MGST1: variants seen among roughly 807,000 people sequenced by gnomAD.
MGST1 encodes microsomal glutathione S-transferase 1, also known as glutathione S-transferase 12.
A neutral mutation model predicts 8.9 loss-of-function variants in MGST1; 5 were observed. The ratio of observed to expected loss-of-function variants is 0.56; its 90% CI spans 0.29 to 1.19. MGST1 has a LOEUF of 1.19. Ranked by LOEUF, MGST1 falls within the 50% of genes most tolerant of loss-of-function variation. The pLI, the probability that MGST1 is intolerant of heterozygous loss-of-function variation, is 0.08. For synonymous variants in MGST1, 54 were observed against 67.8 expected (o/e 0.80, Z 1.00); for missense variants, 182 against 187.4 (o/e 0.97, Z 0.17).
In MGST1 at chr12:16,547,050, C is replaced by T. The variant is rs1360947462; in HGVS notation, n.483-42478C>T. 6.6e-6 allele frequency among the ~76,000 whole-genome samples: 1 copy of T among 151,970 alleles called. No homozygotes were observed. Among genetic ancestry groups the T allele is most frequent in the African/African-American group, 2.4e-5 (1 of 41,368 alleles). On this transcript the variant is annotated intron_variant and non_coding_transcript_variant, in intron 4 of 4. Coordinates refer to the MGST1 transcript ENST00000538857. This position sits in a 1 kb window ranked among gnomAD's most constrained non-coding sequence, Gnocchi z 4.6. ...CTTGATTATAAAAGTAAAAATATAC[C>T]TTTCTGAATAATACTTTTCTAATAG...
rs1378832346 is a variant in MGST1, at chr12:16,410,185, A to G, written n.778+26581A>G. ...TGGTTATAGTGCTATGCTTACCGTC[A>G]TTTCTCTTTAACTTGGAGATTAGCC... is the stretch of plus-strand genomic sequence containing the variant. On this transcript the variant is annotated intron_variant and non_coding_transcript_variant, in intron 1 of 1. Transcript: ENST00000359720. This position sits in a 1 kb window ranked among gnomAD's most constrained non-coding sequence, Gnocchi z 4.4. 3.9e-5 allele frequency among the ~76,000 whole-genome samples: 6 copies of G among 152,136 alleles called. No individual in the cohort carries two copies. Among genetic ancestry groups the G allele is most frequent in the Non-Finnish European group, 7.4e-5 (5 of 68,024 alleles).
chr12:16,548,120 A>G lies in MGST1; in HGVS notation n.483-41408A>G, dbSNP rs1420619925. ...CACCTAAAATTTGTATAAATGTGCA[A>G]AATTACACCCAGCAATTGCTACCTT... On this transcript the variant is annotated intron_variant and non_coding_transcript_variant, in intron 4 of 4. Transcript: ENST00000538857. This position sits in a 1 kb window ranked among gnomAD's most constrained non-coding sequence, Gnocchi z 4.2. Among the ~76,000 whole-genome samples the G allele has an allele frequency of 6.6e-6, 1 of 152,196 alleles. No individual in the cohort carries two copies. The highest frequency in any genetic ancestry group is 1.5e-5 in the Non-Finnish European group (1 of 68,036).
intron 4 of MGST1, among the ~76,000 whole-genome samples, chr12:16,563,987 T>C (rs1383467485): frequency 6.6e-6 from 1 of 152,196 alleles, no homozygotes; most frequent in Non-Finnish European, 1.5e-5. Flanking sequence ...GACCTTTATC[T>C]TGTTTCTGAC....
intron 4 of MGST1, among the ~76,000 whole-genome samples, chr12:16,507,249 A>C (rs1186825284): frequency 1.3e-5 from 2 of 152,152 alleles, no homozygotes; most frequent in Non-Finnish European, 2.9e-5. Context: ...TGTTTGGTAG[A>C]GAGAAAATAT....
At chr12:16,583,761 G>A (rs913415906) in intron 4 of MGST1, among the ~76,000 whole-genome samples, 1 of 152,202 alleles carries the variant, frequency 6.6e-6, no homozygotes, top group African/African-American at 2.4e-5. Context: ...GACTGGAGCA[G>A]TGGTGAAAAT....
intron 1 of MGST1, among the ~76,000 whole-genome samples, chr12:16,388,409 A>G (rs989651360): frequency 6.6e-6 from 1 of 152,042 alleles, no homozygotes; most frequent in Non-Finnish European, 1.5e-5. Flanking sequence ...TTGCTTTTCT[A>G]TGACTTGCAA....
chr12:16,459,119 G>C (rs536810522), intron 4 of MGST1, among the ~76,000 whole-genome samples: 1 of 152,170 alleles, frequency 6.6e-6, no homozygotes, highest in Middle Eastern at 3.4e-3. Context: ...GGCAATTAAA[G>C]AAATTATTCT....
intron 4 of MGST1, among the ~76,000 whole-genome samples, chr12:16,520,444 G>A (rs1941641469): frequency 6.6e-6 from 1 of 150,970 alleles, no homozygotes; most frequent in Non-Finnish European, 1.5e-5. Flanking sequence ...GAGTTTAGGG[G>A]AGACTCAGGG....
In MGST1 at chr12:16,559,810, A is replaced by G. The variant is rs1942323359; in HGVS notation, n.483-29718A>G. On this transcript the variant is annotated intron_variant and non_coding_transcript_variant, in intron 4 of 4. Transcript: ENST00000538857. This position sits in a 1 kb window ranked among gnomAD's most constrained non-coding sequence, Gnocchi z 4.1. ...CTCTATAAAAAATGAAAAAAAAAAA[A>G]AATTAGCCAGGCATGGGAGTGCACA... 6.6e-6 allele frequency among the ~76,000 whole-genome samples: 1 copy of G among 151,696 alleles called. No individual in the cohort carries two copies. Among genetic ancestry groups the G allele is most frequent in the Admixed American group, 6.6e-5 (1 of 15,214 alleles).
chr12:16,364,754 C>G (rs556210746), downstream of MGST1, among the ~76,000 whole-genome samples: 2 of 152,164 alleles, frequency 1.3e-5, no homozygotes, highest in South Asian at 4.2e-4. This position sits in a 1 kb window ranked among gnomAD's most constrained non-coding sequence, Gnocchi z 5.7. Context: ...TTTCATGTTT[C>G]CCCAGTAATA....
Position 16,513,880 on chromosome 12 carries a change from C to G in MGST1, n.483-75648C>G, listed in dbSNP as rs1040786212. The stretch of plus-strand genomic sequence containing the variant: ...CAAACCAACCTGGGGAAGTCGCACA[C>G]CCATCTTCAGGGATACTGGCATGCA... On this transcript the variant is annotated intron_variant and non_coding_transcript_variant, in intron 4 of 4. Transcript: ENST00000538857. This position sits in a 1 kb window ranked among gnomAD's most constrained non-coding sequence, Gnocchi z 4.2. 8.2e-6 allele frequency: 5 copies of G among 606,250 alleles called. No homozygotes were observed. The highest frequency in any genetic ancestry group is 1.6e-5 in the Non-Finnish European group (5 of 313,956). 37.6% of individuals were successfully genotyped at this position (606,250 alleles called of 1,614,324 possible).
intron 4 of MGST1, among the ~76,000 whole-genome samples, chr12:16,545,607 C>T (rs1181628513): frequency 6.6e-6 from 1 of 152,004 alleles, no homozygotes; most frequent in African/African-American, 2.4e-5. Flanking sequence ...TATGCTGAAA[C>T]TCGCAACTTT....
intron 4 of MGST1, among the ~76,000 whole-genome samples, chr12:16,563,631 TATC>T (rs1942482910): frequency 1.3e-5 from 2 of 152,196 alleles, no homozygotes. Flanking sequence ...TTTATAAAGT[TATC>T]ATAGATCCAC....
chr12:16,491,443 ATTCTGC>A (rs1289646280), intron 4 of MGST1, among the ~76,000 whole-genome samples: 1 of 152,184 alleles, frequency 6.6e-6, no homozygotes, highest in African/African-American at 2.4e-5. Flanking sequence ...CAAGACCTGT[ATTCTGC>A]TTCTGCTTCT....
intron 4 of MGST1, among the ~76,000 whole-genome samples, chr12:16,568,328 A>G (rs1233159189): frequency 6.6e-6 from 1 of 152,224 alleles, no homozygotes; most frequent in Non-Finnish European, 1.5e-5. Context: ...TAGACTTGAG[A>G]TACTCAGAGA....
chr12:16,543,720 T>C (rs1231930316), intron 4 of MGST1, among the ~76,000 whole-genome samples: 1 of 152,068 alleles, frequency 6.6e-6, no homozygotes, highest in African/African-American at 2.4e-5. Context: ...ATTTTCAAGA[T>C]CATTTTCTGC....
chr12:16,503,719 C>T lies in MGST1; in HGVS notation n.483-85809C>T, dbSNP rs1437121648. 6.6e-6 allele frequency among the ~76,000 whole-genome samples: 1 copy of T among 152,190 alleles called. No individual in the cohort carries two copies. Among genetic ancestry groups the T allele is most frequent in the African/African-American group, 2.4e-5 (1 of 41,456 alleles). On this transcript the variant is annotated intron_variant and non_coding_transcript_variant, in intron 4 of 4. Coordinates refer to the MGST1 transcript ENST00000538857. The surrounding 1 kb of genome is among the most constrained non-coding windows in gnomAD (Gnocchi z 4.8). ...CCAACAGTGTGCCGGGTCAGTTTAT[C>T]ATTGCCGTGGTAACACCTGGAAGTT...
At chr12:16,545,945 A>G (rs1010496461) in intron 4 of MGST1, among the ~76,000 whole-genome samples, 8 of 152,120 alleles carry the variant, frequency 5.3e-5, no homozygotes, top group Non-Finnish European at 1.0e-4. Context: ...ATGATATGGT[A>G]GAGTGAAAAG....
At position 16,502,006 on chromosome 12, in the gene MGST1, T is replaced by A. The variant is rs766811637; in HGVS notation, n.483-87522T>A. ...AATATTTAAACAGAAGTGAATTAAA[T>A]AACTTATTTAATATTACTGAGAAGC... On this transcript the variant is annotated intron_variant and non_coding_transcript_variant, in intron 4 of 4. Transcript: ENST00000538857. 1.1e-3 allele frequency among the ~76,000 whole-genome samples: 167 copies of A among 152,266 alleles called. 1 individual carries two copies. Among genetic ancestry groups the A allele is most frequent in the Non-Finnish European group, 1.0e-3 (71 of 67,996 alleles).
Sources: allele counts gnomAD v4.1 joint callset (sites outside exome capture counted in the v4.1 genomes callset), GRCh38; gene constraint gnomAD v4.1.1; non-coding constraint Gnocchi (gnomAD v3.1); transcripts MANE v1.5; gene names NCBI Gene and HGNC (gene_info 2026-07-23, HGNC 2026-07-21).